DDI2: variants seen among roughly 807,000 people sequenced by gnomAD.
DDI2 encodes DDI proteasomal shuttling factor 2.
In DDI2, 5 loss-of-function variants were observed where a neutral mutation model predicts 48.1. The ratio of observed to expected loss-of-function variants is 0.10; its 90% CI spans 0.05 to 0.22. The LOEUF is 0.22. Ranked by LOEUF, DDI2 falls within the 10% of genes least tolerant of loss-of-function variation. DDI2 has a pLI of 1.00. For missense variants in DDI2, 285 were observed against 506.2 expected (o/e 0.56, Z 4.19); for synonymous variants, 205 against 183.6 (o/e 1.12, Z -0.94).
At position 15,617,594 on chromosome 1, in the gene DDI2, G is replaced by A. The variant is rs1043328256; in HGVS notation, c.-77G>A. ...GCCGTCCTCCCGCAGCACCAGCCAGGCCACGCCGCCGCCTCTTCCCCTGCG... is the reference window on the plus strand; with the variant it reads ...GCCGTCCTCCCGCAGCACCAGCCAGACCACGCCGCCGCCTCTTCCCCTGCG... On this transcript the variant is annotated 5_prime_UTR_variant, in exon 1 of 10. Coordinates refer to ENST00000480945, the MANE Select transcript of DDI2 (RefSeq NM_032341.5). 13 of 1,222,314 alleles carry A rather than the reference G, an allele frequency of 1.1e-5. No homozygotes were observed. Among genetic ancestry groups the A allele is most frequent in the South Asian group, 6.2e-5 (2 of 32,460 alleles). 75.7% of individuals were successfully genotyped at this position (1,222,314 alleles called of 1,614,324 possible). A position where few individuals can be genotyped will look rare whatever the true frequency, so the allele number is the denominator to read the frequency against.
chr1:15,660,143 G>A lies in DDI2; in HGVS notation c.*353G>A. 1.9e-6 allele frequency: 3 copies of A among 1,614,222 alleles called. No individual in the cohort carries two copies. The highest frequency in any genetic ancestry group is 2.5e-6 in the Non-Finnish European group (3 of 1,180,040). On this transcript the variant is annotated 3_prime_UTR_variant, in exon 10 of 10. Coordinates refer to ENST00000480945, the MANE Select transcript of DDI2 (RefSeq NM_032341.5). ...GCAGACCATGCTCCAACAGACCAGA[G>A]TCCAGCTATGCCTATGCAGAATTCA...
At position 15,663,354 on chromosome 1, in the gene DDI2, T is replaced by C. The variant is rs180762914; in HGVS notation, c.*3564T>C. 1.4e-3 allele frequency: 216 copies of C among 152,360 alleles called. No individual in the cohort carries two copies. Among genetic ancestry groups the C allele is most frequent in the African/African-American group, 5.0e-3 (208 of 41,584 alleles). The allele number at this position is 152,360 out of a possible 1,614,324, so 9.4% of individuals were successfully genotyped here. A position where few individuals can be genotyped will look rare whatever the true frequency, so the allele number is the denominator to read the frequency against. On this transcript the variant is annotated 3_prime_UTR_variant, in exon 10 of 10. Transcript: ENST00000480945. ...TTAGGGGCACTTAGAGACATTTTTT[T>C]CTACCCCATCCAACTTCTTTCTTTC...
rs1640362607 is a variant in DDI2, at chr1:15,660,910, T to C, written c.*1120T>C. 6.2e-7 allele frequency: 1 copy of C among 1,613,902 alleles called. No individual in the cohort carries two copies. The highest frequency in any genetic ancestry group is 1.3e-5 in the African/African-American group (1 of 75,032). ...GCCTTCTGTGGAGTCAGCAGAAGAATCTTGCCCGTCTATAACGGCAGCCTT... is the reference window on the plus strand; with the variant it reads ...GCCTTCTGTGGAGTCAGCAGAAGAACCTTGCCCGTCTATAACGGCAGCCTT... On this transcript the variant is annotated 3_prime_UTR_variant, in exon 10 of 10. Coordinates refer to ENST00000480945, the MANE Select transcript of DDI2 (RefSeq NM_032341.5).
rs934737228 is a variant in DDI2 at position 15,665,280 on chromosome 1, A to AAAT, written c.*5490_*5491insAAT. On this transcript the variant is annotated 3_prime_UTR_variant, in exon 10 of 10. Transcript: ENST00000480945. ...TCTGTCTCAAAAAAAAAAAAAAAAAAGGTAACCAGTTGCTTGGCAAAGGAA... is the reference window on the plus strand; with the variant it reads ...TCTGTCTCAAAAAAAAAAAAAAAAAAAATGGTAACCAGTTGCTTGGCAAAGGAA... 2 of 153,730 alleles carry AAAT rather than the reference A, an allele frequency of 1.3e-5. No individual in the cohort carries two copies. The highest frequency in any genetic ancestry group is 4.9e-5 in the African/African-American group (2 of 41,168). 9.5% of individuals were successfully genotyped at this position (153,730 alleles called of 1,614,324 possible).
Position 15,660,408 on chromosome 1 carries a change from A to C in DDI2, c.*618A>C, listed in dbSNP as rs746698062. 5 of 1,614,008 alleles carry C rather than the reference A, an allele frequency of 3.1e-6. No individual in the cohort carries two copies. The East Asian group carries it at 1.1e-4, about 36-fold the overall frequency. On this transcript the variant is annotated 3_prime_UTR_variant, in exon 10 of 10. Transcript: ENST00000480945. ...GGAATGAACAGTATGAGGTTGCACA[A>C]CAAAAAGCTTCACATGACCAAGAAT...
At chr1:15,620,787 T>C (rs1122387) in intron 1 of DDI2, among the ~76,000 whole-genome samples, 48,845 of 152,038 alleles carry the variant, frequency 0.32, 8,744 homozygotes, top group African/African-American at 0.46. Context: ...ATATATAATA[T>C]GTTATCTGTA....
chr1:15,659,231 C>G (rs1640319275), intron 9 of DDI2, among the ~76,000 whole-genome samples: 1 of 152,198 alleles, frequency 6.6e-6, no homozygotes, highest in Non-Finnish European at 1.5e-5. Flanking sequence ...ATAATTCCCT[C>G]TCTGTCCAGG....
At chr1:15,657,997 C>T (rs1041819655) in intron 9 of DDI2, among the ~76,000 whole-genome samples, 2 of 152,068 alleles carry the variant, frequency 1.3e-5, no homozygotes, top group African/African-American at 4.8e-5. Context: ...TGATTTAAAG[C>T]CTTTTGAATA....
In DDI2 at chr1:15,666,002, C is replaced by T. The variant is rs1210472164; in HGVS notation, c.*6212C>T. On this transcript the variant is annotated 3_prime_UTR_variant, in exon 10 of 10. Coordinates refer to ENST00000480945, the MANE Select transcript of DDI2 (RefSeq NM_032341.5). ...GTAGTCTGTGGCTGACCTAGAAAGACACAGAGTTATCAAGAGTTTCCCTTC... is the reference window on the plus strand; with the variant it reads ...GTAGTCTGTGGCTGACCTAGAAAGATACAGAGTTATCAAGAGTTTCCCTTC... The T allele has an allele frequency of 6.6e-6, 1 of 152,168 alleles. No homozygotes were observed. The highest frequency in any genetic ancestry group is 1.5e-5 in the Non-Finnish European group (1 of 68,022). The allele number at this position is 152,168 out of a possible 1,614,324, so 9.4% of individuals were successfully genotyped here. A position where few individuals can be genotyped will look rare whatever the true frequency, so the allele number is the denominator to read the frequency against.
chr1:15,649,278 A>G (rs960718630), intron 6 of DDI2, among the ~76,000 whole-genome samples: 3 of 152,106 alleles, frequency 2.0e-5, no homozygotes, highest in Non-Finnish European at 2.9e-5. Context: ...GCAGAGAATC[A>G]GAGAACACAG....
intron 3 of DDI2, among the ~76,000 whole-genome samples, chr1:15,631,248 T>C (rs1245432564): frequency 6.6e-6 from 1 of 152,214 alleles, no homozygotes; most frequent in Admixed American, 6.5e-5. Flanking sequence ...TATGGCAAAA[T>C]GGAATCACCA....
At chr1:15,622,198 C>CTTTTTTTTTTT (rs923707351) in intron 1 of DDI2, among the ~76,000 whole-genome samples, 3 of 131,242 alleles carry the variant, frequency 2.3e-5, no homozygotes, top group Non-Finnish European at 3.2e-5. Flanking sequence ...GTAGCTGCGA[C>CTTTTTTTTTTT]TTTTTTTTTT....
chr1:15,651,604 T>G, intron 7 of DDI2, 102 bp from the exon 8 acceptor site: 1 of 1,109,018 alleles, frequency 9.0e-7, no homozygotes. Flanking sequence ...CAGGCATGAG[T>G]CACCGTGCCT....
At chr1:15,628,120 A>G (rs941160637) in intron 2 of DDI2, among the ~76,000 whole-genome samples, 2 of 151,944 alleles carry the variant, frequency 1.3e-5, no homozygotes, top group Non-Finnish European at 2.9e-5. Flanking sequence ...AGGTTGGGGC[A>G]GGAGTGATCT....
In DDI2 at chr1:15,643,559, A is replaced by G; in HGVS notation, c.798A>G (p.Glu266=). Residue 266 remains glutamate (E), a synonymous_variant, in exon 6 of 10, where the codon GAA becomes GAG. Transcript: ENST00000480945. ...CTATCATGAGCCAAGCTTGTGCAGA[A>G]AGGTGTAACATAATGAGACTGGTGG... ...QMTIMSQACA[E]RCNIMRLVDR... 6.2e-7 allele frequency: 1 copy of G among 1,614,162 alleles called. No homozygotes were observed. The highest frequency in any genetic ancestry group is 8.5e-7 in the Non-Finnish European group (1 of 1,180,024).
rs1270395471 is a variant in DDI2, at chr1:15,660,566, G to A, written c.*776G>A. 1.2e-6 allele frequency: 2 copies of A among 1,613,424 alleles called. No homozygotes were observed. The highest frequency in any genetic ancestry group is 8.5e-7 in the Non-Finnish European group (1 of 1,179,836). On this transcript the variant is annotated 3_prime_UTR_variant, in exon 10 of 10. Transcript: ENST00000480945. ...GTGGATCCTCCAAGTGCGAAGAAAA[G>A]TATTCCATCTTCAGAATGCAGTGGC...
chr1:15,636,609 C>G (rs1570975585), intron 4 of DDI2, among the ~76,000 whole-genome samples: 1 of 152,306 alleles, frequency 6.6e-6, no homozygotes, highest in Non-Finnish European at 1.5e-5. Flanking sequence ...ATAGCTGAGA[C>G]TACAGGCTTG....
chr1:15,641,973 AAAAGG>A (rs1279160776), intron 5 of DDI2, among the ~76,000 whole-genome samples: 3 of 151,602 alleles, frequency 2.0e-5, no homozygotes, highest in African/African-American at 7.3e-5. Context: ...AAAAAAAAAA[AAAAGG>A]AGAAGAAAGG....
At chr1:15,628,363 A>G (rs2103463847) in intron 2 of DDI2, among the ~76,000 whole-genome samples, 1 of 152,300 alleles carries the variant, frequency 6.6e-6, no homozygotes, top group South Asian at 2.1e-4. Flanking sequence ...AAAGGGTAGA[A>G]ATGTTACATC....
Sources: allele counts gnomAD v4.1 joint callset (sites outside exome capture counted in the v4.1 genomes callset), GRCh38; gene constraint gnomAD v4.1.1; transcripts MANE v1.5; gene names NCBI Gene and HGNC (gene_info 2026-07-23, HGNC 2026-07-21).